The following SORCS1 variants were observed in gnomAD, a reference collection of about 807,000 sequenced individuals.
The protein encoded by SORCS1 is VPS10 domain-containing receptor SorCS1.
A neutral mutation model predicts 146.1 loss-of-function variants in SORCS1; 60 were observed. The observed-to-expected ratio is 0.41, with a 90% CI of 0.33 to 0.51. The LOEUF (loss-of-function observed/expected upper bound fraction) is 0.51, where lower values mean the gene tolerates loss of function less well. Among genes scored for constraint, SORCS1 ranks in the 20% least tolerant of loss-of-function variants. The probability of loss-of-function intolerance (pLI) is 0.21; values close to 1 mark genes in which losing one functional copy is unlikely to be tolerated. For synonymous variants in SORCS1, 637 were observed against 584.0 expected, an observed-to-expected ratio of 1.09 and a Z score of -1.31; for missense variants, 1,352 against 1,487.6, an observed-to-expected ratio of 0.91 and a Z score of 1.50.
intron 4 of SORCS1, among the ~76,000 whole-genome samples, chr10:106,765,826 T>C (rs1349408802): frequency 1.3e-5 from 2 of 152,014 alleles, no homozygotes; most frequent in African/African-American, 4.8e-5. Context: ...CAATTGTCAG[T>C]GTCCCTAGAA....
chr10:107,106,284 G>A lies in SORCS1; in HGVS notation c.558+57685C>T, dbSNP rs75675439. Among the ~76,000 whole-genome samples the A allele has an allele frequency of 4.8e-3, 729 of 152,264 alleles. 40 individuals carry two copies. The East Asian group carries it at 0.12, about 24-fold the overall frequency. On this transcript the variant is annotated intron_variant, in intron 1 of 25. Coordinates refer to ENST00000263054, the MANE Select transcript of SORCS1 (RefSeq NM_052918.5). ...TGCTTTTCCCCAATAGTAATCATGC[G>A]ATAAGTTAATCAATTTATCTACAGG...
At chr10:106,983,213 AAT>A (rs201546586) in intron 1 of SORCS1, among the ~76,000 whole-genome samples, 1 of 147,400 alleles carries the variant, frequency 6.8e-6, no homozygotes, top group South Asian at 2.1e-4. Flanking sequence ...TCTATATATA[AAT>A]ATATATACAT....
At chr10:106,800,674 G>A (rs1034312680) in intron 3 of SORCS1, among the ~76,000 whole-genome samples, 9 of 151,598 alleles carry the variant, frequency 5.9e-5, no homozygotes, top group South Asian at 2.1e-4. Flanking sequence ...GGCGCACACC[G>A]CCACACCCAG....
chr10:106,793,065 G>C (rs917781345), intron 3 of SORCS1, among the ~76,000 whole-genome samples: 1 of 152,068 alleles, frequency 6.6e-6, no homozygotes, highest in East Asian at 1.9e-4. Flanking sequence ...TAATGAAAAA[G>C]ACACTAAATG....
rs893065361 is a variant in SORCS1 at position 106,891,514 on chromosome 10, T to G, written c.627-61841A>C. On this transcript the variant is annotated intron_variant, in intron 2 of 25. Transcript: ENST00000263054. ...GTTTCAATGGGAATTCTTTTTTTTT[T>G]TTTGAGAAAAGACCTTGCTCTGTTG... 2.7e-5 allele frequency among the ~76,000 whole-genome samples: 4 copies of G among 148,380 alleles called. 1 individual carries two copies. The highest frequency in any genetic ancestry group is 9.9e-5 in the African/African-American group (4 of 40,202).
chr10:107,152,433 A>G (rs1256510174), intron 1 of SORCS1, among the ~76,000 whole-genome samples: 1 of 152,194 alleles, frequency 6.6e-6, no homozygotes, highest in Non-Finnish European at 1.5e-5. Context: ...TCCACCGACA[A>G]CTTGTTCCAT....
chr10:106,962,220 A>G (rs1006703883), intron 1 of SORCS1, among the ~76,000 whole-genome samples: 2 of 151,954 alleles, frequency 1.3e-5, no homozygotes, highest in African/African-American at 4.8e-5. Context: ...ACCAACATGG[A>G]GAAACCCCAT....
intron 1 of SORCS1, among the ~76,000 whole-genome samples, chr10:107,144,044 C>T (rs536535930): frequency 1.3e-5 from 2 of 152,292 alleles, no homozygotes; most frequent in Admixed American, 1.3e-4. Flanking sequence ...CTTTCATGGG[C>T]TGTTCCCTTT....
chr10:107,105,206 T>C (rs760192541), intron 1 of SORCS1, among the ~76,000 whole-genome samples: 8 of 152,110 alleles, frequency 5.3e-5, no homozygotes, highest in Non-Finnish European at 1.0e-4. Context: ...GTGGCTCCAA[T>C]GAACTGTCTG....
At chr10:107,139,642 C>T (rs1272823818) in intron 1 of SORCS1, among the ~76,000 whole-genome samples, 13 of 152,330 alleles carry the variant, frequency 8.5e-5, no homozygotes, top group South Asian at 2.1e-4. Flanking sequence ...AAATACATGA[C>T]GCAGTTTCAT....
At chr10:106,601,143 C>CAA (rs923180544) in intron 23 of SORCS1, among the ~76,000 whole-genome samples, 1 of 152,160 alleles carries the variant, frequency 6.6e-6, no homozygotes, top group African/African-American at 2.4e-5. Context: ...GAAAGTATGG[C>CAA]AACAGCCTAA....
At chr10:107,073,171 A>G in intron 1 of SORCS1, among the ~76,000 whole-genome samples, 1 of 152,200 alleles carries the variant, frequency 6.6e-6, no homozygotes, top group East Asian at 1.9e-4. Context: ...ATAGAAAAAG[A>G]TTTGGAGAGA....
At chr10:107,051,797 T>C (rs1366587833) in intron 1 of SORCS1, among the ~76,000 whole-genome samples, 1 of 152,212 alleles carries the variant, frequency 6.6e-6, no homozygotes, top group Non-Finnish European at 1.5e-5. Flanking sequence ...GTGAGTTGTT[T>C]AAGACACGCT....
At chr10:106,949,278 T>C (rs929684079) in intron 2 of SORCS1, among the ~76,000 whole-genome samples, 3 of 152,218 alleles carry the variant, frequency 2.0e-5, no homozygotes, top group African/African-American at 7.2e-5. Flanking sequence ...GCCTTGTGTT[T>C]GTAGCAGAGT....
At chr10:106,805,682 C>A (rs773615855) in intron 3 of SORCS1, among the ~76,000 whole-genome samples, 3 of 152,044 alleles carry the variant, frequency 2.0e-5, no homozygotes, top group African/African-American at 7.2e-5. Flanking sequence ...GATTTATTTG[C>A]CTATATGGTA....
intron 2 of SORCS1, among the ~76,000 whole-genome samples, chr10:106,933,545 T>C (rs1953528904): frequency 6.6e-6 from 1 of 152,200 alleles, no homozygotes; most frequent in South Asian, 2.1e-4. Context: ...ACTCTGGTGC[T>C]ACAAGGCCAA....
chr10:106,677,230 C>A (rs150676643), intron 13 of SORCS1, 83 bp downstream of exon 13: 1 of 1,279,384 alleles, frequency 7.8e-7, no homozygotes, highest in East Asian at 2.3e-5. Context: ...GAAACAGACA[C>A]GGTTTGATAG....
rs568906924 is a variant in SORCS1, at chr10:106,920,241, T to C, written c.626+36272A>G. Among the ~76,000 whole-genome samples the C allele has an allele frequency of 5.3e-5, 8 of 152,278 alleles. No individual in the cohort carries two copies. In the East Asian group the frequency reaches 1.4e-3, roughly 26 times the overall value. ...AGACCAACATTCACATCCAAACCTATGTCTGTAACCACAGTGGTAAGCAAA... is the reference window on the plus strand; with the variant it reads ...AGACCAACATTCACATCCAAACCTACGTCTGTAACCACAGTGGTAAGCAAA... On this transcript the variant is annotated intron_variant, in intron 2 of 25. Coordinates refer to ENST00000263054, the MANE Select transcript of SORCS1 (RefSeq NM_052918.5).
intron 1 of SORCS1, among the ~76,000 whole-genome samples, chr10:107,017,762 T>C (rs1401663730): frequency 2.0e-5 from 3 of 152,158 alleles, no homozygotes; most frequent in Non-Finnish European, 2.9e-5. Flanking sequence ...TTCAAGCGAT[T>C]CTCCTGCCTC....
Sources: allele counts gnomAD v4.1 joint callset (sites outside exome capture counted in the v4.1 genomes callset), GRCh38; gene constraint gnomAD v4.1.1; transcripts MANE v1.5; gene names NCBI Gene and HGNC (gene_info 2026-07-23, HGNC 2026-07-21).